The following FGF19 variants were observed in gnomAD, a reference collection of about 807,000 sequenced individuals.
The protein encoded by FGF19 is FGF-19.
In FGF19, 5 loss-of-function variants were observed where a neutral mutation model predicts 8.9. The ratio of observed to expected loss-of-function variants is 0.56; its 90% CI spans 0.29 to 1.18. The LOEUF (loss-of-function observed/expected upper bound fraction) is 1.18. FGF19 is among the 50% of genes most tolerant of loss of function. The pLI is 0.08. For synonymous variants in FGF19, 124 were observed against 128.0 expected (o/e 0.97, Z 0.21); for missense variants, 237 against 293.9 (o/e 0.81, Z 1.42).
In FGF19 at chr11:69,699,344, G is replaced by A. The variant is rs754290897; in HGVS notation, c.569C>T (p.Ser190Leu). ...RGHLESDMFS[S>L]PLETDSMDPF... ...GTCCATGCTGTCGGTCTCCAGGGGC[G>A]AAGAGAACATGTCAGATTCCAAGTG... Residue 190 changes from serine (S) to leucine (L), a missense_variant, in exon 3 of 3, where the codon TCG (serine) becomes TTG (leucine). Physicochemically the swap from Ser to Leu is moderately radical, Grantham distance 145. Coordinates refer to ENST00000294312, the MANE Select transcript of FGF19 (RefSeq NM_005117.3). 90 of 1,614,028 alleles carry A rather than the reference G, an allele frequency of 5.6e-5. No homozygotes were observed. The Admixed American group carries it at 6.5e-4, about 12-fold the overall frequency.
intron 2 of FGF19, among the ~76,000 whole-genome samples, chr11:69,700,041 A>T (rs1386224020): frequency 6.6e-6 from 1 of 151,922 alleles, no homozygotes; most frequent in African/African-American, 2.4e-5. Flanking sequence ...CTGAGCAATG[A>T]TCATGCCACT....
Position 69,702,421 on chromosome 11 carries a change from C to T in FGF19, c.336+840G>A, listed in dbSNP as rs1211294410. On this transcript the variant is annotated intron_variant, in intron 2 of 2. Transcript: ENST00000294312. The surrounding 1 kb of genome is among the most constrained non-coding windows in gnomAD (Gnocchi z 4.6). ...CTGGCCCCTGCTCCGCCAGGGAGTC[C>T]GGGGCTGCGTGTGAGGCCTGCGCGG... Among the ~76,000 whole-genome samples the T allele has an allele frequency of 2.0e-5, 3 of 152,126 alleles. No individual in the cohort carries two copies. Among genetic ancestry groups the T allele is most frequent in the African/African-American group, 7.2e-5 (3 of 41,440 alleles).
Position 69,702,658 on chromosome 11 carries a change from G to A in FGF19, c.336+603C>T, listed in dbSNP as rs1854788224. On this transcript the variant is annotated intron_variant, in intron 2 of 2. Coordinates refer to ENST00000294312, the MANE Select transcript of FGF19 (RefSeq NM_005117.3). This position sits in a 1 kb window ranked among gnomAD's most constrained non-coding sequence, Gnocchi z 4.6. Reference sequence around the variant, plus strand: ...GTTTACAGGACAGGTGAGGCCCGCAGGAGGAAAAGCACTCCCCTGGCGCAA... The same window carrying A: ...GTTTACAGGACAGGTGAGGCCCGCAAGAGGAAAAGCACTCCCCTGGCGCAA... Among the ~76,000 whole-genome samples the A allele has an allele frequency of 1.3e-5, 2 of 151,946 alleles. No homozygotes were observed. The highest frequency in any genetic ancestry group is 4.2e-4 in the South Asian group (2 of 4,788).
chr11:69,701,110 G>T (rs1170776035), intron 2 of FGF19, among the ~76,000 whole-genome samples: 2 of 152,226 alleles, frequency 1.3e-5, no homozygotes, highest in Non-Finnish European at 2.9e-5. Context: ...GGATGGCTGG[G>T]ACAAAGCATC....
Position 69,703,893 on chromosome 11 carries a change from T to G in FGF19, c.-17A>C. 1 of 1,243,750 alleles carries G rather than the reference T, an allele frequency of 8.0e-7. No homozygotes were observed. The allele number at this position is 1,243,750 out of a possible 1,614,324, so 77.0% of individuals were successfully genotyped here. ...GCTCCGCATGGCACCTCCCTGGGGC[T>G]CTCGGCGCAGCTCCGGCGATGGGGG... On this transcript the variant is annotated 5_prime_UTR_variant, in exon 1 of 3. Coordinates refer to ENST00000294312, the MANE Select transcript of FGF19 (RefSeq NM_005117.3). This position sits in a 1 kb window ranked among gnomAD's most constrained non-coding sequence, Gnocchi z 6.8.
In FGF19 at chr11:69,702,002, G is replaced by GGGATTTCA. The variant is rs1219970033; in HGVS notation, c.336+1251_336+1258dup. The stretch of plus-strand genomic sequence containing the variant: ...AAAAAAAAAAAAAAAAAGGCACAGA[G>GGGATTTCA]GGATTTCAGGTGACCCAACCCCCAA... On this transcript the variant is annotated intron_variant, in intron 2 of 2. Transcript: ENST00000294312. The surrounding 1 kb of genome is among the most constrained non-coding windows in gnomAD (Gnocchi z 4.6). Among the ~76,000 whole-genome samples the GGGATTTCA allele has an allele frequency of 7.2e-6, 1 of 139,618 alleles. No homozygotes were observed. The highest frequency in any genetic ancestry group is 1.5e-5 in the Non-Finnish European group (1 of 64,974). The allele number at this position is 139,618 out of a possible 152,430, so 91.6% of individuals were successfully genotyped here.
At chr11:69,700,766 C>CCTAGG (rs1554971697) in intron 2 of FGF19, among the ~76,000 whole-genome samples, 1 of 151,196 alleles carries the variant, frequency 6.6e-6, no homozygotes, top group Non-Finnish European at 1.5e-5. Flanking sequence ...CAGCCCCTCC[C>CCTAGG]CCAGGCCAGG....
rs1016220726 is a variant in FGF19, at chr11:69,703,633, G to T, written c.232+12C>A. ...CGCGGCGGGGCGGGCGGGGGTGCTG[G>T]CGGGCACTCACTGTGCGCGCTCTGG... On this transcript the variant is annotated intron_variant, in intron 1 of 2. Coordinates refer to ENST00000294312, the MANE Select transcript of FGF19 (RefSeq NM_005117.3). The surrounding 1 kb of genome is among the most constrained non-coding windows in gnomAD (Gnocchi z 6.8). The T allele has an allele frequency of 8.3e-6, 10 of 1,209,332 alleles. No individual in the cohort carries two copies. Among genetic ancestry groups the T allele is most frequent in the Admixed American group, 8.5e-5 (2 of 23,538 alleles). The allele number at this position is 1,209,332 out of a possible 1,614,324, so 74.9% of individuals were successfully genotyped here. A position where few individuals can be genotyped will look rare whatever the true frequency, so the allele number is the denominator to read the frequency against.
Position 69,698,700 on chromosome 11 carries a change from G to C in FGF19, c.*562C>G. On this transcript the variant is annotated 3_prime_UTR_variant, in exon 3 of 3. Transcript: ENST00000294312. The stretch of plus-strand genomic sequence containing the variant: ...GCTCCAGGCTTCCCCTACTCCTGAA[G>C]CCTGGTGGGCCATGCCTGCTCCAGT... 1 of 197,780 alleles carries C rather than the reference G, an allele frequency of 5.1e-6. No homozygotes were observed. The highest frequency in any genetic ancestry group is 1.0e-5 in the Non-Finnish European group (1 of 95,696). The allele number at this position is 197,780 out of a possible 1,614,324, so 12.3% of individuals were successfully genotyped here.
Position 69,699,338 on chromosome 11 carries a change from A to G in FGF19, c.575T>C (p.Leu192Pro). The change falls in exon 3 of 3, where the codon CTG (leucine) becomes CCG (proline). Residue 192 changes from leucine (L) to proline (P), a missense_variant. Leu to Pro is a moderately conservative substitution (Grantham distance 98, BLOSUM62 -3). Transcript: ENST00000294312. ...AAATGGGTCCATGCTGTCGGTCTCC[A>G]GGGGCGAAGAGAACATGTCAGATTC... is the stretch of plus-strand genomic sequence containing the variant. ...HLESDMFSSP[L>P]ETDSMDPFGL... 1 of 1,614,190 alleles carries G rather than the reference A, an allele frequency of 6.2e-7. No individual in the cohort carries two copies. The highest frequency in any genetic ancestry group is 1.1e-5 in the South Asian group (1 of 91,080).
Position 69,699,486 on chromosome 11 carries a change from C to T in FGF19, c.427G>A (p.Val143Ile), listed in dbSNP as rs1218517749. 6.2e-7 allele frequency: 1 copy of T among 1,614,078 alleles called. No individual in the cohort carries two copies. Among genetic ancestry groups the T allele is most frequent in the African/African-American group, 1.3e-5 (1 of 74,932 alleles). ...VYRSEKHRLPVSLSSAKQRQL... is the reference protein window; with the variant it reads ...VYRSEKHRLPISLSSAKQRQL... Reference sequence around the variant, plus strand: ...CGCTGTTTGGCACTGCTCAGGGAGACCGGGAGGCGGTGCTTCTCGGATCGG... The same window carrying T: ...CGCTGTTTGGCACTGCTCAGGGAGATCGGGAGGCGGTGCTTCTCGGATCGG... Residue 143 changes from valine (V) to isoleucine (I), a missense_variant, in exon 3 of 3, where the codon GTC becomes ATC. Physicochemically the swap from Val to Ile is conservative, Grantham distance 29 (BLOSUM62 3). Coordinates refer to ENST00000294312, the MANE Select transcript of FGF19 (RefSeq NM_005117.3).
chr11:69,703,708 T>G lies in FGF19; in HGVS notation c.169A>C (p.Ser57Arg), dbSNP rs1302514612. The change falls in exon 1 of 3, where the codon AGC (serine) becomes CGC (arginine). Residue 57 changes from serine (S) to arginine (R), a missense_variant. By Grantham distance (110) the Ser-to-Arg change is moderately radical (BLOSUM62 -1). Coordinates refer to ENST00000294312, the MANE Select transcript of FGF19 (RefSeq NM_005117.3). This position sits in a 1 kb window ranked among gnomAD's most constrained non-coding sequence, Gnocchi z 6.8. ...TCGGCACGGATGCGCAGGAAGCAGC[T>G]GGAGAGCCCGTGGGGGCCGGAGGTG... Reference protein sequence around the residue: ...LYTSGPHGLSSCFLRIRADGV... With the variant: ...LYTSGPHGLSRCFLRIRADGV... 1 of 1,232,894 alleles carries G rather than the reference T, an allele frequency of 8.1e-7. No homozygotes were observed. The highest frequency in any genetic ancestry group is 1.6e-5 in the African/African-American group (1 of 64,288). The allele number at this position is 1,232,894 out of a possible 1,614,324, so 76.4% of individuals were successfully genotyped here.
intron 2 of FGF19, among the ~76,000 whole-genome samples, chr11:69,701,106 C>T (rs930798885): frequency 7.9e-5 from 12 of 152,222 alleles, no homozygotes; most frequent in Non-Finnish European, 5.9e-5. Context: ...CCACGGATGG[C>T]TGGGACAAAG....
chr11:69,703,585 C>T lies in FGF19; in HGVS notation c.232+60G>A, dbSNP rs1013693090. On this transcript the variant is annotated intron_variant, in intron 1 of 2. Coordinates refer to ENST00000294312, the MANE Select transcript of FGF19 (RefSeq NM_005117.3). This position sits in a 1 kb window ranked among gnomAD's most constrained non-coding sequence, Gnocchi z 6.8. ...AGGAAGGAAGGGCGCTGGGGTGGGG[C>T]GCGCGCAGCGGGGTGGGGTGCGCGC... The T allele has an allele frequency of 3.8e-6, 3 of 794,004 alleles. No homozygotes were observed. The highest frequency in any genetic ancestry group is 2.1e-5 in the African/African-American group (1 of 47,628). The allele number at this position is 794,004 out of a possible 1,614,324, so 49.2% of individuals were successfully genotyped here. A position where few individuals can be genotyped will look rare whatever the true frequency, so the allele number is the denominator to read the frequency against.
chr11:69,700,451 C>T (rs1486244610), intron 2 of FGF19, among the ~76,000 whole-genome samples: 1 of 152,184 alleles, frequency 6.6e-6, no homozygotes, highest in Non-Finnish European at 1.5e-5. Flanking sequence ...GTGTTTCCCT[C>T]ACCCTTTACA....
chr11:69,699,424 A>C lies in FGF19; in HGVS notation c.489T>G (p.Ser163=). ...LYKNRGFLPL[S]HFLPMLPMVP... Reference sequence around the variant, plus strand: ...CCATGGGCAGCATGGGCAGGAAATGAGAGAGTGGAAGAAAGCCTCTGTTCT... The same window carrying C: ...CCATGGGCAGCATGGGCAGGAAATGCGAGAGTGGAAGAAAGCCTCTGTTCT... Residue 163 remains serine (S), a synonymous_variant, in exon 3 of 3, where the codon TCT becomes TCG. Coordinates refer to ENST00000294312, the MANE Select transcript of FGF19 (RefSeq NM_005117.3). 1 of 1,614,196 alleles carries C rather than the reference A, an allele frequency of 6.2e-7. No homozygotes were observed. The highest frequency in any genetic ancestry group is 8.5e-7 in the Non-Finnish European group (1 of 1,180,034).
Position 69,699,330 on chromosome 11 carries a change from C to T in FGF19, c.583G>A (p.Asp195Asn), listed in dbSNP as rs762938267. 1.1e-5 allele frequency: 17 copies of T among 1,614,042 alleles called. No homozygotes were observed. The highest frequency in any genetic ancestry group is 4.5e-5 in the East Asian group (2 of 44,892). Residue 195 changes from aspartate (D) to asparagine (N), a missense_variant, in exon 3 of 3, where the codon GAC (aspartate) becomes AAC (asparagine). Asp to Asn is a conservative substitution (Grantham distance 23). Coordinates refer to ENST00000294312, the MANE Select transcript of FGF19 (RefSeq NM_005117.3). ...ACAAGCCCAAATGGGTCCATGCTGT[C>T]GGTCTCCAGGGGCGAAGAGAACATG... ...SDMFSSPLET[D>N]SMDPFGLVTG...
chr11:69,703,805 G>C lies in FGF19; in HGVS notation c.72C>G (p.Pro24=), dbSNP rs1939243296. The C allele has an allele frequency of 8.1e-7, 1 of 1,236,040 alleles. No homozygotes were observed. Among genetic ancestry groups the C allele is most frequent in the Non-Finnish European group, 1.0e-6 (1 of 989,960 alleles). The allele number at this position is 1,236,040 out of a possible 1,614,324, so 76.6% of individuals were successfully genotyped here. A position where few individuals can be genotyped will look rare whatever the true frequency, so the allele number is the denominator to read the frequency against. ...AGLWLAVAGR[P]LAFSDAGPHV... is the part of the protein sequence containing the mutation. ...GGGGCCCCGCGTCCGAGAAGGCGAG[G>C]GGGCGCCCGGCCACGGCCAGCCAGA... is the stretch of plus-strand genomic sequence containing the variant. The change falls in exon 1 of 3, where the codon CCC becomes CCG. Residue 24 remains proline (P), a synonymous_variant. Transcript: ENST00000294312. The surrounding 1 kb of genome is among the most constrained non-coding windows in gnomAD (Gnocchi z 6.8).
rs1317070676 is a variant in FGF19, at chr11:69,698,274, T to A, written c.*988A>T. 1 of 162,696 alleles carries A rather than the reference T, an allele frequency of 6.1e-6. No individual in the cohort carries two copies. Among genetic ancestry groups the A allele is most frequent in the South Asian group, 2.1e-4 (1 of 4,800 alleles). The allele number at this position is 162,696 out of a possible 1,614,324, so 10.1% of individuals were successfully genotyped here. ...TCCATTTTAATATACAAAACAAACC[T>A]CACTTACATACATAAATATAATTTG... On this transcript the variant is annotated 3_prime_UTR_variant, in exon 3 of 3. Coordinates refer to ENST00000294312, the MANE Select transcript of FGF19 (RefSeq NM_005117.3).
Sources: allele counts gnomAD v4.1 joint callset (sites outside exome capture counted in the v4.1 genomes callset), GRCh38; gene constraint gnomAD v4.1.1; non-coding constraint Gnocchi (gnomAD v3.1); transcripts MANE v1.5; gene names NCBI Gene and HGNC (gene_info 2026-07-23, HGNC 2026-07-21).